SEMA6D: variants seen among roughly 807,000 people sequenced by gnomAD.
SEMA6D encodes the protein semaphorin-6D.
In SEMA6D, 35 loss-of-function variants were observed where a neutral mutation model predicts 106.6. The observed-to-expected ratio is 0.33, with a 90% confidence interval of 0.25 to 0.44. The LOEUF (loss-of-function observed/expected upper bound fraction) is 0.44. SEMA6D is among the 20% of genes least tolerant of loss of function. The pLI, the probability that SEMA6D is intolerant of heterozygous loss-of-function variation, is 1.00. For missense variants in SEMA6D, 1,185 were observed against 1,345.9 expected, an observed-to-expected ratio of 0.88 and a Z score of 1.87; for synonymous variants, 499 against 487.7, an observed-to-expected ratio of 1.02 and a Z score of -0.31.
At chr15:47,433,628 T>C (rs1204436715) in intron 2 of SEMA6D, among the ~76,000 whole-genome samples, 1 of 152,142 alleles carries the variant, frequency 6.6e-6, no homozygotes, top group Non-Finnish European at 1.5e-5. Flanking sequence ...TTCAATGTTT[T>C]ATAGATCACA....
At chr15:47,425,774 G>A (rs115596685) in intron 2 of SEMA6D, among the ~76,000 whole-genome samples, 1,891 of 151,408 alleles carry the variant, frequency 0.012, 51 homozygotes, top group African/African-American at 0.044. Flanking sequence ...AGGTTCAAGC[G>A]AGGTAAAGCG....
intron 1 of SEMA6D, among the ~76,000 whole-genome samples, chr15:47,721,106 C>A (rs555252565): frequency 6.6e-6 from 1 of 152,266 alleles, no homozygotes; most frequent in East Asian, 1.9e-4. Flanking sequence ...AGTGTTCCAA[C>A]ACCAGGTGAG....
intron 1 of SEMA6D, among the ~76,000 whole-genome samples, chr15:47,747,459 G>A (rs749910453): frequency 2.6e-5 from 4 of 152,156 alleles, no homozygotes; most frequent in Non-Finnish European, 5.9e-5. Context: ...GGTGTGCTTT[G>A]CTTTAAGAAA....
intron 3 of SEMA6D, among the ~76,000 whole-genome samples, chr15:47,494,791 A>ATATATATATATAT (rs2043597859): frequency 1.8e-5 from 1 of 56,948 alleles, no homozygotes; most frequent in Non-Finnish European, 3.8e-5. Context: ...TATATATATA[A>ATATATATATATAT]TCTCCAGATA....
At position 47,760,398 on chromosome 15, in the gene SEMA6D, A is replaced by C. The variant is rs1866501; in HGVS notation, c.204A>C (p.Thr68=). 31,569 of 1,612,980 alleles carry C rather than the reference A, an allele frequency of 0.02. 2,930 individuals are homozygous for C. The African/African-American group carries it at 0.24, about 12-fold the overall frequency. Reference sequence around the variant, plus strand: ...AGCTGATGTTGAAAATTCGAGACACACTTTATATTGCTGGCAGGTAATTTT... The same window carrying C: ...AGCTGATGTTGAAAATTCGAGACACCCTTTATATTGCTGGCAGGTAATTTT... ...DFQLMLKIRD[T]LYIAGRDQVY... is the part of the protein sequence containing the mutation. The change falls in exon 3 of 19, where the codon ACA becomes ACC. Residue 68 remains threonine, a synonymous_variant. Transcript: ENST00000536845.
intron 3 of SEMA6D, among the ~76,000 whole-genome samples, chr15:47,597,874 CAT>C (rs2076568717): frequency 6.7e-6 from 1 of 149,332 alleles, no homozygotes; most frequent in South Asian, 2.1e-4. Context: ...ATATATATAA[CAT>C]ATAAAATAAC....
intron 1 of SEMA6D, among the ~76,000 whole-genome samples, chr15:47,320,963 G>A (rs1717052319): frequency 6.6e-6 from 1 of 152,032 alleles, no homozygotes; most frequent in African/African-American, 2.4e-5. Flanking sequence ...TTCAATACCT[G>A]GGTGTTCACT....
upstream of SEMA6D, among the ~76,000 whole-genome samples, chr15:47,712,592 A>G (rs531544020): frequency 4.4e-4 from 67 of 152,344 alleles, no homozygotes; most frequent in African/African-American, 1.6e-3. Context: ...AGAAGCAAAT[A>G]ATAATAATAT....
chr15:47,198,088 C>G (rs1431479102), intron 1 of SEMA6D, among the ~76,000 whole-genome samples: 2 of 151,852 alleles, frequency 1.3e-5, no homozygotes, highest in Non-Finnish European at 2.9e-5. Context: ...GAATGGTACT[C>G]CATTGTGTAT....
chr15:47,685,009 A>G (rs1454374192), intron 4 of SEMA6D, among the ~76,000 whole-genome samples: 1 of 152,208 alleles, frequency 6.6e-6, no homozygotes, highest in Non-Finnish European at 1.5e-5. Context: ...GAAGGAAGAG[A>G]AGGAAGAGGA....
intron 1 of SEMA6D, among the ~76,000 whole-genome samples, chr15:47,340,228 G>A (rs1194769853): frequency 6.6e-6 from 1 of 152,072 alleles, no homozygotes; most frequent in Non-Finnish European, 1.5e-5. Context: ...ATGAGTGTTA[G>A]GCCTTTATTG....
intron 4 of SEMA6D, among the ~76,000 whole-genome samples, chr15:47,628,907 T>C (rs2077248060): frequency 6.6e-6 from 1 of 152,074 alleles, no homozygotes; most frequent in Non-Finnish European, 1.5e-5. Flanking sequence ...ATAATTTTTA[T>C]AGAAGCCGTG....
intron 1 of SEMA6D, among the ~76,000 whole-genome samples, chr15:47,240,280 C>T (rs551752753): frequency 6.6e-6 from 1 of 152,196 alleles, no homozygotes; most frequent in Admixed American, 6.5e-5. Context: ...TGAATGAGGA[C>T]CTCTGATACA....
intron 1 of SEMA6D, chr15:47,730,302 C>T (rs1020393253): frequency 2.1e-5 from 32 of 1,525,990 alleles, no homozygotes; most frequent in Admixed American, 5.0e-5. Flanking sequence ...TTAGCCAAAG[C>T]GCCTTTGTCT....
chr15:47,747,193 G>A (rs2081192519), intron 1 of SEMA6D, among the ~76,000 whole-genome samples: 1 of 151,938 alleles, frequency 6.6e-6, no homozygotes, highest in Non-Finnish European at 1.5e-5. Flanking sequence ...GGACAATTTT[G>A]CTTTAAAATG....
intron 1 of SEMA6D, among the ~76,000 whole-genome samples, chr15:47,249,899 T>C (rs1407490231): frequency 6.6e-6 from 1 of 152,158 alleles, no homozygotes; most frequent in Non-Finnish European, 1.5e-5. Context: ...CTTGGGACTA[T>C]CAAACAATTC....
chr15:47,752,597 CT>C (rs2081501031), intron 1 of SEMA6D, among the ~76,000 whole-genome samples: 1 of 152,122 alleles, frequency 6.6e-6, no homozygotes, highest in Non-Finnish European at 1.5e-5. Flanking sequence ...AATTTCAGCG[CT>C]GATGGACAGT....
At chr15:47,577,196 G>A (rs904352267) in intron 3 of SEMA6D, among the ~76,000 whole-genome samples, 4 of 152,288 alleles carry the variant, frequency 2.6e-5, no homozygotes, top group Admixed American at 1.3e-4. Context: ...ATATTTACTT[G>A]CATAATTTTC....
chr15:47,257,825 C>T (rs2033886619), intron 1 of SEMA6D, among the ~76,000 whole-genome samples: 1 of 151,886 alleles, frequency 6.6e-6, no homozygotes, highest in African/African-American at 2.4e-5. Context: ...TTCAGATCAT[C>T]TGATTTTTCT....
Sources: allele counts gnomAD v4.1 joint callset (sites outside exome capture counted in the v4.1 genomes callset), GRCh38; gene constraint gnomAD v4.1.1; transcripts MANE v1.5; gene names NCBI Gene and HGNC (gene_info 2026-07-23, HGNC 2026-07-21).